Variants in DAB2IP observed in about 807,000 individuals in gnomAD.
DAB2IP encodes the protein DAB2 interacting protein.
A neutral mutation model predicts 107.2 loss-of-function variants in DAB2IP; 28 were observed. The ratio of observed to expected loss-of-function variants is 0.26; its 90% CI spans 0.19 to 0.36. The LOEUF (loss-of-function observed/expected upper bound fraction) is 0.36. Among genes scored for constraint, DAB2IP ranks in the 10% least tolerant of loss-of-function variants. The pLI is 1.00. For missense variants in DAB2IP, 1,400 were observed against 1,644.7 expected, an observed-to-expected ratio of 0.85 and a Z score of 2.57; for synonymous variants, 755 against 706.4, an observed-to-expected ratio of 1.07 and a Z score of -1.09.
At chr9:121,778,696 C>G (rs1297686685) in intron 14 of DAB2IP, among the ~76,000 whole-genome samples, 1 of 152,190 alleles carries the variant, frequency 6.6e-6, no homozygotes, top group Non-Finnish European at 1.5e-5. Flanking sequence ...CATATGGTCT[C>G]TATTGCAACT....
chr9:121,729,830 C>T lies in DAB2IP; in HGVS notation c.363-27183C>T, dbSNP rs142801705. On this transcript the variant is annotated intron_variant, in intron 3 of 15. Transcript: ENST00000408936. ...ACCTGAAAATCTAGGTTTCTGGCTT[C>T]TATTTTAAGACAGATGTGGCTTCAG... Among the ~76,000 whole-genome samples the T allele has an allele frequency of 5.9e-3, 895 of 152,288 alleles. 10 individuals are homozygous for T. The highest frequency in any genetic ancestry group is 0.021 in the African/African-American group (855 of 41,554).
Position 121,782,257 on chromosome 9 carries a change from G to C in DAB2IP, c.3403-74G>C. On this transcript the variant is annotated intron_variant, in intron 15 of 15. Transcript: ENST00000408936. This position sits in a 1 kb window ranked among gnomAD's most constrained non-coding sequence, Gnocchi z 6.1. Reference sequence around the variant, plus strand: ...TCATCTCCAGGCCACCCCCTTCCCCGATGCTTGTCGTAGGTATACACAGCC... The same window carrying C: ...TCATCTCCAGGCCACCCCCTTCCCCCATGCTTGTCGTAGGTATACACAGCC... 6.5e-7 allele frequency: 1 copy of C among 1,538,384 alleles called. No individual in the cohort carries two copies. The highest frequency in any genetic ancestry group is 8.8e-7 in the Non-Finnish European group (1 of 1,136,890).
At position 121,782,600 on chromosome 9, in the gene DAB2IP, G is replaced by A. The variant is rs960909268; in HGVS notation, c.*102G>A. On this transcript the variant is annotated 3_prime_UTR_variant, in exon 16 of 16. Coordinates refer to ENST00000408936, the Ensembl canonical transcript of DAB2IP. This position sits in a 1 kb window ranked among gnomAD's most constrained non-coding sequence, Gnocchi z 6.1. ...GCACCCACGGTTGCAGCCCCAGCGC[G>A]GGTGTCAGGAGGCCGAGCCTCCCCT... The A allele has an allele frequency of 4.0e-5, 62 of 1,532,594 alleles. 1 individual carries two copies. The Middle Eastern group carries it at 5.3e-4, about 13-fold the overall frequency. 94.9% of individuals were successfully genotyped at this position (1,532,594 alleles called of 1,614,324 possible).
At chr9:121,647,766 T>C (rs1057037936), upstream of DAB2IP, among the ~76,000 whole-genome samples, 2 of 151,546 alleles carry the variant, frequency 1.3e-5, no homozygotes, top group Admixed American at 6.6e-5. Context: ...TACACACACA[T>C]ATATATACAT....
intron 1 of DAB2IP, among the ~76,000 whole-genome samples, chr9:121,577,387 C>T (rs988603096): frequency 6.6e-6 from 1 of 152,240 alleles, no homozygotes; most frequent in Non-Finnish European, 1.5e-5. Context: ...AGCCGGTGAC[C>T]TACATTCCCA....
chr9:121,662,502 CATTT>C lies in DAB2IP; in HGVS notation c.124+10604_124+10607del, dbSNP rs1439163885. On this transcript the variant is annotated intron_variant, in intron 1 of 15. Coordinates refer to ENST00000408936, the Ensembl canonical transcript of DAB2IP. This position sits in a 1 kb window ranked among gnomAD's most constrained non-coding sequence, Gnocchi z 4.6. ...TTATTGGAACACAGCCATGTTCATT[CATTT>C]GTGTATTGTCTATAGCTGCTTTCAC... Among the ~76,000 whole-genome samples, 4 of 152,212 alleles carry C rather than the reference CATTT, an allele frequency of 2.6e-5. No homozygotes were observed. Among genetic ancestry groups the C allele is most frequent in the African/African-American group, 7.2e-5 (3 of 41,456 alleles).
intron 3 of DAB2IP, among the ~76,000 whole-genome samples, chr9:121,706,559 A>T (rs12004621): frequency 6.6e-6 from 1 of 152,174 alleles, no homozygotes. Flanking sequence ...CTGTGTGACT[A>T]TGGGCAAGCC....
chr9:121,773,048 G>C (rs751742391), exon 12 of DAB2IP: 3 of 1,612,426 alleles, frequency 1.9e-6, no homozygotes, highest in Non-Finnish European at 2.5e-6. Flanking sequence ...CTGGCCTGCC[G>C]CTGTCACCCC....
At chr9:121,749,581 TGGGCTGGAGACTG>T (rs1353575761) in intron 3 of DAB2IP, among the ~76,000 whole-genome samples, 1 of 152,030 alleles carries the variant, frequency 6.6e-6, no homozygotes. Flanking sequence ...CACAGGCTGG[TGGGCTGGAGACTG>T]GGGCTGGAGA....
intron 1 of DAB2IP, among the ~76,000 whole-genome samples, chr9:121,614,337 C>CTTTTTTTTTT (rs35959966): frequency 1.2e-3 from 123 of 102,670 alleles, no homozygotes; most frequent in Non-Finnish European, 1.6e-3. Context: ...TCTTTCTTTT[C>CTTTTTTTTTT]TTTTTTTTTT....
In DAB2IP at chr9:121,783,718, C is replaced by T. The variant is rs1250261239; in HGVS notation, c.*1220C>T. 5 of 904,530 alleles carry T rather than the reference C, an allele frequency of 5.5e-6. No homozygotes were observed. In the Admixed American group the frequency reaches 6.2e-5, roughly 11 times the overall value. The allele number at this position is 904,530 out of a possible 1,614,324, so 56.0% of individuals were successfully genotyped here. A position where few individuals can be genotyped will look rare whatever the true frequency, so the allele number is the denominator to read the frequency against. On this transcript the variant is annotated 3_prime_UTR_variant, in exon 16 of 16. Transcript: ENST00000408936. ...CCGGCCTCCTCCTCACCCTTCCCGG[C>T]CCCCGGCCAAGGACCCAGGCGCTGC...
chr9:121,661,092 G>T (rs1043775616), intron 1 of DAB2IP, among the ~76,000 whole-genome samples: 1 of 152,102 alleles, frequency 6.6e-6, no homozygotes, highest in African/African-American at 2.4e-5. Flanking sequence ...GAGGGCTGGG[G>T]TGGGGGATGC....
chr9:121,594,107 A>G (rs892273432), intron 1 of DAB2IP, among the ~76,000 whole-genome samples: 1 of 152,188 alleles, frequency 6.6e-6, no homozygotes, highest in African/African-American at 2.4e-5. Flanking sequence ...TTGAATCTTT[A>G]TAATAACCCT....
intron 1 of DAB2IP, among the ~76,000 whole-genome samples, chr9:121,622,200 C>G (rs7390787): frequency 0.58 from 87,305 of 151,604 alleles, 26,055 homozygotes; most frequent in East Asian, 0.95. Flanking sequence ...GTGTTGGCCA[C>G]GATGGTCTCG....
In DAB2IP at chr9:121,736,104, G is replaced by A. The variant is rs1831883468; in HGVS notation, c.363-20909G>A. On this transcript the variant is annotated intron_variant, in intron 3 of 15. Coordinates refer to ENST00000408936, the Ensembl canonical transcript of DAB2IP. The surrounding 1 kb of genome is among the most constrained non-coding windows in gnomAD (Gnocchi z 4.6). ...CTGTCTAGACCCAAGTCGGGGTGGG[G>A]AGTCGGGTTAGGGGATCATGGTAGA... is the stretch of plus-strand genomic sequence containing the variant. Among the ~76,000 whole-genome samples the A allele has an allele frequency of 6.6e-6, 1 of 152,262 alleles. No individual in the cohort carries two copies. The highest frequency in any genetic ancestry group is 2.4e-5 in the African/African-American group (1 of 41,480).
chr9:121,660,744 C>T (rs1037268610), intron 1 of DAB2IP, among the ~76,000 whole-genome samples: 10 of 152,038 alleles, frequency 6.6e-5, no homozygotes, highest in African/African-American at 2.4e-4. Flanking sequence ...AGATGATGGT[C>T]TTTGGATTCT....
intron 1 of DAB2IP, among the ~76,000 whole-genome samples, chr9:121,666,917 A>AC (rs1564143995): frequency 0.041 from 4,292 of 104,672 alleles, 128 homozygotes; most frequent in East Asian, 0.079. Flanking sequence ...CACACACACA[A>AC]CACTCTTAAA....
chr9:121,579,198 G>A (rs1830135454), intron 1 of DAB2IP, among the ~76,000 whole-genome samples: 1 of 152,160 alleles, frequency 6.6e-6, no homozygotes, highest in South Asian at 2.1e-4. Flanking sequence ...AGGTTATTGA[G>A]AGGAGTAACA....
In DAB2IP at chr9:121,586,397, T is replaced by C. The variant is rs73661761; in HGVS notation, c.40+19169T>C. 8.8e-3 allele frequency among the ~76,000 whole-genome samples: 1,338 copies of C among 152,304 alleles called. 22 individuals carry two copies. The highest frequency in any genetic ancestry group is 0.029 in the African/African-American group (1,224 of 41,562). On this transcript the variant is annotated intron_variant, in intron 1 of 16. Coordinates refer to the DAB2IP transcript ENST00000259371. ...AATAGTTATAAGAAATCATCCTTTG[T>C]GGTCTAGGATTGGGAGGGCTTGAGA...
Sources: gnomAD v4.1 joint callset for allele counts (sites outside exome capture counted in the v4.1 genomes callset) on GRCh38, gnomAD v4.1.1 for gene constraint, Gnocchi (gnomAD v3.1) non-coding constraint, MANE v1.5 for transcripts, NCBI Gene and HGNC (gene_info 2026-07-23, HGNC 2026-07-21) for gene names.